Variants in RNF6 observed in about 807,000 individuals in gnomAD.
The protein encoded by RNF6 is E3 ubiquitin-protein ligase RNF6.
A neutral mutation model predicts 50.1 loss-of-function variants in RNF6; 21 were observed. That is an observed-to-expected ratio of 0.42 (90% CI 0.30 to 0.60). The LOEUF is 0.60. Among genes scored for constraint, RNF6 ranks in the 20% least tolerant of loss-of-function variants. The pLI is 0.20. For missense variants in RNF6, 698 were observed against 838.2 expected (o/e 0.83, Z 2.07); for synonymous variants, 255 against 291.8 (o/e 0.87, Z 1.29).
chr13:26,190,475 T>G (rs1294982121), intron 5 of RNF6, among the ~76,000 whole-genome samples: 2 of 152,238 alleles, frequency 1.3e-5, no homozygotes, highest in Non-Finnish European at 2.9e-5. Flanking sequence ...TTCTGACAGA[T>G]GCTTACCTAA....
At chr13:26,139,966 G>C (rs1184196448) in intron 5 of RNF6, among the ~76,000 whole-genome samples, 2 of 152,230 alleles carry the variant, frequency 1.3e-5, no homozygotes, top group East Asian at 3.9e-4. Flanking sequence ...TGGGATTACA[G>C]GCATGAGCCT....
At chr13:26,136,625 T>C (rs1446898444) in intron 5 of RNF6, among the ~76,000 whole-genome samples, 1 of 152,236 alleles carries the variant, frequency 6.6e-6, no homozygotes, top group Admixed American at 6.5e-5. Flanking sequence ...TCTTAAACTC[T>C]GACTTCTGTC....
At chr13:26,180,723 C>T (rs1347226165) in intron 5 of RNF6, among the ~76,000 whole-genome samples, 1 of 152,218 alleles carries the variant, frequency 6.6e-6, no homozygotes, top group Non-Finnish European at 1.5e-5. Flanking sequence ...TTGGGACGTC[C>T]ATCAGATTGG....
intron 5 of RNF6, among the ~76,000 whole-genome samples, chr13:26,146,911 G>C (rs1194092769): frequency 6.6e-6 from 1 of 152,152 alleles, no homozygotes; most frequent in Non-Finnish European, 1.5e-5. Context: ...TCTCATGATA[G>C]AGCTCTCATG....
Position 26,214,330 on chromosome 13 carries a change from A to G in RNF6, c.1552T>C (p.Ser518Pro). ...TCTGTACCTAAGTTACTCAGTTCTG[A>G]GTGCATGTCTGGTAAATGCTGGCCA... is the stretch of plus-strand genomic sequence containing the variant. The part of the protein sequence containing the change: ...RNGQHLPDMH[S>P]ELSNLGTDNN... The change falls in exon 5 of 5, where the codon TCA becomes CCA. Residue 518 changes from serine to proline, a missense_variant. Coordinates refer to ENST00000381588, the MANE Select transcript of RNF6 (RefSeq NM_005977.4). 1 of 1,614,086 alleles carries G rather than the reference A, an allele frequency of 6.2e-7. No individual in the cohort carries two copies. Among genetic ancestry groups the G allele is most frequent in the Non-Finnish European group, 8.5e-7 (1 of 1,180,030 alleles).
rs576864703 is a variant in RNF6, at chr13:26,175,026, T to C, written n.768+40448A>G. ...GGGGACACAATCAGGTGCCTCTTGA[T>C]GCCTCAGCAGTTGAGGAGTTCACTA... On this transcript the variant is annotated intron_variant and non_coding_transcript_variant, in intron 5 of 5. Coordinates refer to the RNF6 transcript ENST00000468480. 1.2e-4 allele frequency among the ~76,000 whole-genome samples: 19 copies of C among 152,312 alleles called. No homozygotes were observed. In the South Asian group the frequency reaches 3.7e-3, roughly 30 times the overall value.
At chr13:26,166,691 G>C (rs2137622293) in intron 5 of RNF6, among the ~76,000 whole-genome samples, 1 of 152,280 alleles carries the variant, frequency 6.6e-6, no homozygotes, top group East Asian at 1.9e-4. Flanking sequence ...AGGCTGAGGT[G>C]GGTGGATCTC....
chr13:26,210,701 G>A (rs1333446826), downstream of RNF6, among the ~76,000 whole-genome samples: 3 of 152,204 alleles, frequency 2.0e-5, no homozygotes, highest in African/African-American at 7.2e-5. Context: ...GAGCTTTGGA[G>A]GCAAATAGCC....
At chr13:26,136,441 G>T (rs1270353113) in intron 5 of RNF6, among the ~76,000 whole-genome samples, 1 of 152,166 alleles carries the variant, frequency 6.6e-6, no homozygotes, top group Non-Finnish European at 1.5e-5. Context: ...CTACACTTGA[G>T]GCTTCTCTGC....
chr13:26,188,592 G>A lies in RNF6; in HGVS notation n.768+26882C>T, dbSNP rs1187201209. ...AGCTGCAGCTGTTCTCTCCCTTTTAGTGGGGGCTTTAGTTGGACAAGTCAA... is the reference window on the plus strand; with the variant it reads ...AGCTGCAGCTGTTCTCTCCCTTTTAATGGGGGCTTTAGTTGGACAAGTCAA... On this transcript the variant is annotated intron_variant and non_coding_transcript_variant, in intron 5 of 5. Coordinates refer to the RNF6 transcript ENST00000468480. 2.9e-5 allele frequency among the ~76,000 whole-genome samples: 4 copies of A among 136,150 alleles called. No individual in the cohort carries two copies. In the East Asian group the frequency reaches 9.4e-4, roughly 32 times the overall value. The allele number at this position is 136,150 out of a possible 152,430, so 89.3% of individuals were successfully genotyped here.
At chr13:26,196,380 G>A (rs577844689) in intron 5 of RNF6, among the ~76,000 whole-genome samples, 28 of 152,182 alleles carry the variant, frequency 1.8e-4, no homozygotes, top group Non-Finnish European at 2.9e-4. Context: ...GCCGGGTGTG[G>A]TGGCTCATGC....
At position 26,218,558 on chromosome 13, in the gene RNF6, T is replaced by A. The variant is rs750318847; in HGVS notation, c.242A>T (p.Glu81Val). The change falls in exon 4 of 5, where the codon GAA becomes GTA. Residue 81 changes from glutamate (E) to valine (V), a missense_variant. Glu to Val is a moderately radical substitution (Grantham distance 121). Transcript: ENST00000381588. ...ELQQRLDGVK[E>V]QLASQPDLRD... is the part of the protein sequence containing the mutation. The stretch of plus-strand genomic sequence containing the variant: ...CAAGTCAGGCTGAGATGCTAGTTGT[T>A]CCTTGACGCCATCTAACCGCTGTTG... 1.2e-6 allele frequency: 2 copies of A among 1,613,988 alleles called. No individual in the cohort carries two copies. Among genetic ancestry groups the A allele is most frequent in the East Asian group, 4.5e-5 (2 of 44,830 alleles).
chr13:26,215,774 T>C (rs1165142591), intron 4 of RNF6, among the ~76,000 whole-genome samples, 182 bp from the exon 5 acceptor site: 1 of 152,230 alleles, frequency 6.6e-6, no homozygotes, highest in East Asian at 1.9e-4. Flanking sequence ...AAGCATATTA[T>C]AAAAATTAAA....
At position 26,218,955 on chromosome 13, in the gene RNF6, TA is replaced by T. The variant is rs1672887081; in HGVS notation, c.194-350del. 2.0e-5 allele frequency among the ~76,000 whole-genome samples: 3 copies of T among 152,284 alleles called. No individual in the cohort carries two copies. In the South Asian group the frequency reaches 6.2e-4, roughly 32 times the overall value. ...ATTTATAGAGAAAACTTCAAATATT[TA>T]CTTGAATTTTATCCCAAATACTTCA... On this transcript the variant is annotated intron_variant, in intron 3 of 4. Coordinates refer to ENST00000381588, the MANE Select transcript of RNF6 (RefSeq NM_005977.4).
chr13:26,163,311 CA>C (rs558036974), intron 5 of RNF6, among the ~76,000 whole-genome samples: 288 of 138,436 alleles, frequency 2.1e-3, no homozygotes, highest in Middle Eastern at 3.8e-3. Context: ...GACTCCGTCT[CA>C]AAAAAAAAAA....
chr13:26,132,525 A>C, intron 5 of RNF6: 1 of 434,514 alleles, frequency 2.3e-6, no homozygotes, highest in South Asian at 1.7e-5. Context: ...CCATGTCTTT[A>C]GTAATTAATA....
chr13:26,187,645 A>G (rs1873620035), intron 5 of RNF6, among the ~76,000 whole-genome samples: 1 of 152,220 alleles, frequency 6.6e-6, no homozygotes, highest in African/African-American at 2.4e-5. Context: ...ATTGCCAATC[A>G]GTGGCAAAGT....
At chr13:26,173,053 C>T (rs1872778083) in intron 5 of RNF6, among the ~76,000 whole-genome samples, 1 of 152,122 alleles carries the variant, frequency 6.6e-6, no homozygotes, top group African/African-American at 2.4e-5. Flanking sequence ...CTCAGTGAAG[C>T]TCAAACTAAA....
chr13:26,172,629 T>C (rs1872750983), intron 5 of RNF6, among the ~76,000 whole-genome samples: 1 of 151,958 alleles, frequency 6.6e-6, no homozygotes, highest in Non-Finnish European at 1.5e-5. Context: ...CGGAAAGCTC[T>C]GCCTGCCGGG....
Sources: gnomAD v4.1 joint callset for allele counts (sites outside exome capture counted in the v4.1 genomes callset) on GRCh38, gnomAD v4.1.1 for gene constraint, MANE v1.5 for transcripts, NCBI Gene and HGNC (gene_info 2026-07-23, HGNC 2026-07-21) for gene names.